KIF26B: variants seen among roughly 807,000 people sequenced by gnomAD.
The protein encoded by KIF26B is kinesin family member 26B, also known as kinesin-like protein KIF26B.
A neutral mutation model predicts 151.2 loss-of-function variants in KIF26B; 63 were observed. That is an observed-to-expected ratio of 0.42 (90% confidence interval 0.34 to 0.51). The LOEUF is 0.51. KIF26B is among the 20% of genes least tolerant of loss of function. The pLI, the probability that KIF26B is intolerant of heterozygous loss-of-function variation, is 0.07. For synonymous variants in KIF26B, 1,357 were observed against 1,262.1 expected (o/e 1.08, Z -1.59); for missense variants, 2,813 against 2,913.6 (o/e 0.97, Z 0.79).
Position 245,605,173 on chromosome 1 carries a change from G to A in KIF26B, c.1557+2390G>A, listed in dbSNP as rs185689492. ...TGACCACAATGTTCCTCATCAGGCC[G>A]TGTGATTCCTCGAGTTGACACACAG... On this transcript the variant is annotated intron_variant, in intron 6 of 14. Coordinates refer to ENST00000407071, the MANE Select transcript of KIF26B (RefSeq NM_018012.4). 2.8e-4 allele frequency among the ~76,000 whole-genome samples: 43 copies of A among 151,556 alleles called. No individual in the cohort carries two copies. In the East Asian group the frequency reaches 3.9e-3, roughly 14 times the overall value.
chr1:245,169,720 G>A (rs1297479908), intron 2 of KIF26B, among the ~76,000 whole-genome samples: 1 of 152,030 alleles, frequency 6.6e-6, no homozygotes, highest in Non-Finnish European at 1.5e-5. Flanking sequence ...GCCCGGCTGT[G>A]GGCTTTTTGT....
chr1:245,345,818 C>A (rs1672442324), intron 2 of KIF26B, among the ~76,000 whole-genome samples: 1 of 152,096 alleles, frequency 6.6e-6, no homozygotes, highest in South Asian at 2.1e-4. Context: ...CTGCCTGAGG[C>A]CTCCCCAGAA....
intron 3 of KIF26B, among the ~76,000 whole-genome samples, chr1:245,408,618 G>C (rs191334835): frequency 6.6e-6 from 1 of 152,120 alleles, no homozygotes; most frequent in Non-Finnish European, 1.5e-5. Flanking sequence ...GCCTCCCAAA[G>C]TGTTGGAATT....
At chr1:245,599,798 C>A (rs1300773767) in intron 5 of KIF26B, among the ~76,000 whole-genome samples, 1 of 152,112 alleles carries the variant, frequency 6.6e-6, no homozygotes. Flanking sequence ...ATGAGTGGAA[C>A]TGAAATCAGA....
In KIF26B at chr1:245,307,468, T is replaced by C. The variant is rs557619550; in HGVS notation, c.466-59366T>C. On this transcript the variant is annotated intron_variant, in intron 2 of 14. Transcript: ENST00000407071. ...CTATTCAAGTTCAGCATAAAGCTCA[T>C]TTTCTCTAGAAATCTTTGTTTAAAA... Among the ~76,000 whole-genome samples, 6 of 150,180 alleles carry C rather than the reference T, an allele frequency of 4.0e-5. No homozygotes were observed. The South Asian group carries it at 1.2e-3, about 31-fold the overall frequency.
chr1:245,663,607 T>A (rs1359639032), intron 10 of KIF26B, among the ~76,000 whole-genome samples: 1 of 152,172 alleles, frequency 6.6e-6, no homozygotes, highest in Non-Finnish European at 1.5e-5. Context: ...AGCTCTGGGA[T>A]AAAGATAGTT....
chr1:245,577,092 G>A (rs2043125619), intron 5 of KIF26B, among the ~76,000 whole-genome samples: 1 of 152,136 alleles, frequency 6.6e-6, no homozygotes, highest in Non-Finnish European at 1.5e-5. Flanking sequence ...TTCAAAGTTT[G>A]TCTTTGAAAA....
intron 3 of KIF26B, among the ~76,000 whole-genome samples, chr1:245,389,863 T>A (rs1673643155): frequency 6.6e-6 from 1 of 152,224 alleles, no homozygotes; most frequent in Admixed American, 6.5e-5. Context: ...AATATTCATC[T>A]CCCTATTTTA....
intron 10 of KIF26B, among the ~76,000 whole-genome samples, chr1:245,650,397 G>A (rs1234814989): frequency 6.6e-6 from 1 of 152,262 alleles, no homozygotes; most frequent in Non-Finnish European, 1.5e-5. Context: ...TCCCACAGGA[G>A]TTGGCCCCCA....
intron 5 of KIF26B, among the ~76,000 whole-genome samples, chr1:245,559,903 A>C (rs2042923333): frequency 6.8e-6 from 1 of 147,244 alleles, no homozygotes; most frequent in East Asian, 2.0e-4. Flanking sequence ...TCCAATCAGT[A>C]TTTTCAATGT....
At chr1:245,419,836 A>C in intron 4 of KIF26B, 91 bp downstream of exon 4, 1 of 1,209,948 alleles carries the variant, frequency 8.3e-7, no homozygotes, top group Non-Finnish European at 1.2e-6. Flanking sequence ...CACTAGAAAG[A>C]GTTTGGGGCC....
chr1:245,585,665 C>G (rs915956602), intron 5 of KIF26B, among the ~76,000 whole-genome samples: 1 of 152,208 alleles, frequency 6.6e-6, no homozygotes, highest in Non-Finnish European at 1.5e-5. Flanking sequence ...TTTCTCTTCT[C>G]GAGAGTTCCG....
chr1:245,246,508 G>A (rs970532518), intron 2 of KIF26B, among the ~76,000 whole-genome samples: 10 of 152,116 alleles, frequency 6.6e-5, no homozygotes, highest in Non-Finnish European at 2.9e-5. Flanking sequence ...CACCACCCAG[G>A]CCCTGCCTCT....
In KIF26B at chr1:245,708,642, A is replaced by G. The variant is rs201790187; in HGVS notation, c.*6036A>G. 1 of 152,164 alleles carries G rather than the reference A, an allele frequency of 6.6e-6. No homozygotes were observed. The highest frequency in any genetic ancestry group is 2.4e-5 in the African/African-American group (1 of 41,418). 9.4% of individuals were successfully genotyped at this position (152,164 alleles called of 1,614,324 possible). A position where few individuals can be genotyped will look rare whatever the true frequency, so the allele number is the denominator to read the frequency against. ...CTTTGCCAGTCATCCTGTCCGTGATATATTCCATAGGACAGAAAACCTGAG... is the reference window on the plus strand; with the variant it reads ...CTTTGCCAGTCATCCTGTCCGTGATGTATTCCATAGGACAGAAAACCTGAG... On this transcript the variant is annotated 3_prime_UTR_variant, in exon 15 of 15. Transcript: ENST00000407071.
Position 245,354,302 on chromosome 1 carries a change from C to T in KIF26B, c.466-12532C>T, listed in dbSNP as rs558529465. Among the ~76,000 whole-genome samples the T allele has an allele frequency of 6.6e-5, 10 of 152,246 alleles. No individual in the cohort carries two copies. In the South Asian group the frequency reaches 1.7e-3, roughly 25 times the overall value. On this transcript the variant is annotated intron_variant, in intron 2 of 14. Coordinates refer to ENST00000407071, the MANE Select transcript of KIF26B (RefSeq NM_018012.4). The stretch of plus-strand genomic sequence containing the variant: ...CTACAAAGTTACCATGATGTAAATC[C>T]GGCCAGAGGCTTGAAGTGATTTCAT...
chr1:245,544,900 C>T (rs903712172), intron 5 of KIF26B, among the ~76,000 whole-genome samples: 1 of 152,194 alleles, frequency 6.6e-6, no homozygotes, highest in South Asian at 2.1e-4. Context: ...CAGCAACAAT[C>T]CCACTCCCCA....
rs1250612274 is a variant in KIF26B at position 245,495,613 on chromosome 1, C to T, written c.1167-45154C>T. 6.6e-6 allele frequency among the ~76,000 whole-genome samples: 1 copy of T among 152,132 alleles called. No homozygotes were observed. ...TCCTCCTACATAGCTATAATTTGGTCTATAGTTTGGTATCCATTAATGAAC... is the reference window on the plus strand; with the variant it reads ...TCCTCCTACATAGCTATAATTTGGTTTATAGTTTGGTATCCATTAATGAAC... On this transcript the variant is annotated intron_variant, in intron 4 of 14. Coordinates refer to ENST00000407071, the MANE Select transcript of KIF26B (RefSeq NM_018012.4). This position sits in a 1 kb window ranked among gnomAD's most constrained non-coding sequence, Gnocchi z 4.2.
At chr1:245,662,146 C>CAT (rs919125226) in intron 10 of KIF26B, among the ~76,000 whole-genome samples, 10 of 149,672 alleles carry the variant, frequency 6.7e-5, no homozygotes, top group East Asian at 2.0e-4. Context: ...ACACACACCC[C>CAT]ATATATATAT....
chr1:245,318,617 G>A lies in KIF26B; in HGVS notation c.466-48217G>A, dbSNP rs1210985678. 6.6e-6 allele frequency among the ~76,000 whole-genome samples: 1 copy of A among 152,120 alleles called. No individual in the cohort carries two copies. The highest frequency in any genetic ancestry group is 1.5e-5 in the Non-Finnish European group (1 of 68,030). On this transcript the variant is annotated intron_variant, in intron 2 of 14. Transcript: ENST00000407071. This position sits in a 1 kb window ranked among gnomAD's most constrained non-coding sequence, Gnocchi z 4.0. ...CAGGGACTTTGCTGCGACTCCCTAA[G>A]TTCATAGGGAAAGCAGCAAGGATGA...
Sources: allele counts gnomAD v4.1 joint callset (sites outside exome capture counted in the v4.1 genomes callset), GRCh38; gene constraint gnomAD v4.1.1; non-coding constraint Gnocchi (gnomAD v3.1); transcripts MANE v1.5; gene names NCBI Gene and HGNC (gene_info 2026-07-23, HGNC 2026-07-21).